Variants in VPS9D1 observed in about 807,000 individuals in gnomAD.
VPS9D1 encodes VPS9 domain containing 1.
VPS9D1 carries 78 observed loss-of-function variants against 75.8 expected under a neutral mutation model. The ratio of observed to expected loss-of-function variants is 1.03; its 90% CI spans 0.86 to 1.24. The LOEUF (loss-of-function observed/expected upper bound fraction) is 1.24, where lower values mean the gene tolerates loss of function less well. Among genes scored for constraint, VPS9D1 ranks in the 50% most tolerant of loss-of-function variants. VPS9D1 has a pLI of 0.00. For missense variants in VPS9D1, 1,057 were observed against 847.7 expected (o/e 1.25, Z -3.07); for synonymous variants, 481 against 385.6 (o/e 1.25, Z -2.90).
At chr16:89,711,536 C>T (rs1180245489) in intron 8 of VPS9D1, 124 bp from the exon 9 acceptor site, 16 of 969,614 alleles carry the variant, frequency 1.7e-5, no homozygotes, top group Non-Finnish European at 2.4e-5. Flanking sequence ...GGAGACCCAG[C>T]GCCAGCAGGC....
rs769446797 is a variant in VPS9D1 at position 89,712,566 on chromosome 16, C to T, written c.543+39G>A. Reference sequence around the variant, plus strand: ...GTAAGGCCGACTCCCCTCTGCCCCGCGCCCACGCACCCCCAGGCCCTCCCT... The same window carrying T: ...GTAAGGCCGACTCCCCTCTGCCCCGTGCCCACGCACCCCCAGGCCCTCCCT... On this transcript the variant is annotated intron_variant, in intron 5 of 14. Coordinates refer to ENST00000389386, the MANE Select transcript of VPS9D1 (RefSeq NM_004913.3). 5 of 1,608,724 alleles carry T rather than the reference C, an allele frequency of 3.1e-6. No homozygotes were observed. The Admixed American group carries it at 5.0e-5, about 16-fold the overall frequency.
rs1251722209 is a variant in VPS9D1 at position 89,711,563 on chromosome 16, GCCCCCA to G, written c.748-157_748-152del. 1.3e-5 allele frequency: 4 copies of G among 313,776 alleles called. No homozygotes were observed. In the African/African-American group the frequency reaches 2.5e-4, roughly 20 times the overall value. 19.4% of individuals were successfully genotyped at this position (313,776 alleles called of 1,614,324 possible). On this transcript the variant is annotated intron_variant, in intron 8 of 14. Transcript: ENST00000389386. ...CCAGCAGGCCCCGCGACCCGCCCCCGCCCCCACCCACACCCGAGGGAAACCTTAGGC... is the reference window on the plus strand; with the variant it reads ...CCAGCAGGCCCCGCGACCCGCCCCCGCCCACACCCGAGGGAAACCTTAGGC...
Position 89,714,064 on chromosome 16 carries a change from G to A in VPS9D1, c.432-1348C>T, listed in dbSNP as rs190152348. 1.4e-3 allele frequency among the ~76,000 whole-genome samples: 206 copies of A among 152,062 alleles called. 1 individual carries two copies. The highest frequency in any genetic ancestry group is 4.6e-3 in the African/African-American group (190 of 41,414). On this transcript the variant is annotated intron_variant, in intron 4 of 14. Transcript: ENST00000389386. ...TGATTCTCCTGCCTCAGCCTCCCGAGTAGCTGGGATTACAGGCATGTGACA... is the reference window on the plus strand; with the variant it reads ...TGATTCTCCTGCCTCAGCCTCCCGAATAGCTGGGATTACAGGCATGTGACA...
At position 89,711,972 on chromosome 16, in the gene VPS9D1, G is replaced by A. The variant is rs772241407; in HGVS notation, c.660-3C>T. The A allele has an allele frequency of 1.0e-5, 16 of 1,550,624 alleles. No homozygotes were observed. The Admixed American group carries it at 2.5e-4, about 25-fold the overall frequency. ...GGGCGACTTGGCTGCAAAACCTCCT[G>A]GGGAGAAAGGCACGCGGTGGGTGCC... On this transcript the variant is annotated splice_polypyrimidine_tract_variant and splice_region_variant and intron_variant, in intron 7 of 14. Coordinates refer to ENST00000389386, the MANE Select transcript of VPS9D1 (RefSeq NM_004913.3).
At chr16:89,709,020 A>ACCCCGGCCCCCCCCCCCCCCC in intron 12 of VPS9D1, 64 bp from the exon 13 acceptor site, 5 of 1,277,896 alleles carry the variant, frequency 3.9e-6, no homozygotes, top group Non-Finnish European at 5.2e-6. Flanking sequence ...CACCCCTTAT[A>ACCCCGGCCCCCCCCCCCCCCC]CCCCGCCCAC....
At position 89,710,826 on chromosome 16, in the gene VPS9D1, G is replaced by T; in HGVS notation, c.1018C>A (p.Pro340Thr). 1 of 1,533,160 alleles carries T rather than the reference G, an allele frequency of 6.5e-7. No individual in the cohort carries two copies. 95.0% of individuals were successfully genotyped at this position (1,533,160 alleles called of 1,614,324 possible). Residue 340 changes from proline (P) to threonine (T), a missense_variant, in exon 10 of 15, where the codon CCC (proline) becomes ACC (threonine). By Grantham distance (38) the Pro-to-Thr change is conservative. Coordinates refer to ENST00000389386, the MANE Select transcript of VPS9D1 (RefSeq NM_004913.3). ...TCCTGGGGCCGCGGGGCTGCGCTGGGCTCGGGCGGGGACAGCATGCAATGG... is the reference window on the plus strand; with the variant it reads ...TCCTGGGGCCGCGGGGCTGCGCTGGTCTCGGGCGGGGACAGCATGCAATGG... The part of the protein sequence containing the change: ...SLHCMLSPPE[P>T]SAAPRPQDSP...
chr16:89,718,791 T>G (rs1426209260), intron 2 of VPS9D1, among the ~76,000 whole-genome samples: 2 of 151,770 alleles, frequency 1.3e-5, no homozygotes, highest in Non-Finnish European at 2.9e-5. Flanking sequence ...CTCGGCTCAC[T>G]GCAACCTCTG....
chr16:89,709,493 G>A, intron 11 of VPS9D1, 58 bp from the exon 12 acceptor site: 1 of 1,462,436 alleles, frequency 6.8e-7, no homozygotes, highest in African/African-American at 1.4e-5. Flanking sequence ...GGGGACAGAA[G>A]CAGGGCTGTG....
In VPS9D1 at chr16:89,716,749, C is replaced by G; in HGVS notation, c.249G>C (p.Gln83His). 6.3e-7 allele frequency: 1 copy of G among 1,590,058 alleles called. No individual in the cohort carries two copies. Among genetic ancestry groups the G allele is most frequent in the Non-Finnish European group, 8.6e-7 (1 of 1,168,860 alleles). Residue 83 changes from glutamine (Q) to histidine (H), a missense_variant, in exon 3 of 15, where the codon CAG (glutamine) becomes CAC (histidine). By Grantham distance (24) the Gln-to-His change is conservative. Transcript: ENST00000389386. ...KLAQQCLERA[Q>H]STAAKLGKTR... is the part of the protein sequence containing the mutation. The stretch of plus-strand genomic sequence containing the variant: ...ACCCACCAAGCTTGGCGGCCGTCGA[C>G]TGGGCCCTCTCCAGACACTGCTGTG...
At chr16:89,710,028 A>AC in intron 10 of VPS9D1, 122 bp from the exon 11 acceptor site, 1 of 1,387,546 alleles carries the variant, frequency 7.2e-7, no homozygotes, top group Non-Finnish European at 9.6e-7. Flanking sequence ...AGCCTCCTGC[A>AC]CCCACCCCTG....
At position 89,707,161 on chromosome 16, in the gene VPS9D1, T is replaced by C. The variant is rs2151615733; in HGVS notation, c.*700A>G. 1 of 152,420 alleles carries C rather than the reference T, an allele frequency of 6.6e-6. No homozygotes were observed. The highest frequency in any genetic ancestry group is 1.9e-4 in the East Asian group (1 of 5,172). 9.4% of individuals were successfully genotyped at this position (152,420 alleles called of 1,614,324 possible). A position where few individuals can be genotyped will look rare whatever the true frequency, so the allele number is the denominator to read the frequency against. On this transcript the variant is annotated 3_prime_UTR_variant, in exon 15 of 15. Transcript: ENST00000389386. ...CAGCAGTGAGCTCTTTATTTTAGGC[T>C]GGGTGGGGGCAGCATGTGACAGTCA...
chr16:89,712,785 C>T, intron 4 of VPS9D1, 69 bp from the exon 5 acceptor site: 1 of 1,344,148 alleles, frequency 7.4e-7, no homozygotes, highest in Non-Finnish European at 1.0e-6. Context: ...AGAGGAGTCT[C>T]TCTCATCCTC....
At position 89,707,603 on chromosome 16, in the gene VPS9D1, A is replaced by G. The variant is rs2060822627; in HGVS notation, c.*258T>C. 2 of 463,064 alleles carry G rather than the reference A, an allele frequency of 4.3e-6. No individual in the cohort carries two copies. Among genetic ancestry groups the G allele is most frequent in the Non-Finnish European group, 7.9e-6 (2 of 254,588 alleles). The allele number at this position is 463,064 out of a possible 1,614,324, so 28.7% of individuals were successfully genotyped here. ...GGCCTCTCTGAGGCCTACACAGGAG[A>G]GCAGGGCCTGGTTCCTCCTGGAGCT... On this transcript the variant is annotated 3_prime_UTR_variant, in exon 15 of 15. Coordinates refer to ENST00000389386, the MANE Select transcript of VPS9D1 (RefSeq NM_004913.3).
chr16:89,720,015 G>C (rs938450596), intron 1 of VPS9D1, among the ~76,000 whole-genome samples: 2 of 152,160 alleles, frequency 1.3e-5, no homozygotes, highest in African/African-American at 2.4e-5. Context: ...ACAGCGCCCA[G>C]CAATATGCTA....
intron 14 of VPS9D1, 55 bp from the exon 15 acceptor site, chr16:89,708,009 C>G (rs994393711): frequency 5.2e-6 from 8 of 1,546,376 alleles, no homozygotes; most frequent in Non-Finnish European, 7.1e-6. Flanking sequence ...AGGATACCCC[C>G]GGCCCTCCAG....
At position 89,716,539 on chromosome 16, in the gene VPS9D1, T is replaced by C. The variant is rs748058044; in HGVS notation, c.354A>G (p.Glu118=). 3.1e-6 allele frequency: 5 copies of C among 1,613,996 alleles called. No homozygotes were observed. The Admixed American group carries it at 8.3e-5, about 27-fold the overall frequency. ...AGRHRRVYSD[E]GGKLSPFLPP... is the part of the protein sequence containing the mutation. ...GCAGAAAAGGAGAGAGCTTTCCTCCTTCATCGGAGTATACACGGCGGTGTC... is the reference window on the plus strand; with the variant it reads ...GCAGAAAAGGAGAGAGCTTTCCTCCCTCATCGGAGTATACACGGCGGTGTC... Residue 118 remains glutamate (E), a synonymous_variant, in exon 4 of 15, where the codon GAA becomes GAG. Transcript: ENST00000389386.
chr16:89,708,962 C>T lies in VPS9D1; in HGVS notation c.1598-6G>A, dbSNP rs1238687099. The T allele has an allele frequency of 1.3e-6, 2 of 1,593,134 alleles. No homozygotes were observed. Among genetic ancestry groups the T allele is most frequent in the Non-Finnish European group, 1.7e-6 (2 of 1,171,374 alleles). On this transcript the variant is annotated splice_region_variant and splice_polypyrimidine_tract_variant and intron_variant, in intron 12 of 14. Transcript: ENST00000389386. ...GATGATCCGCAGGGTCCGCACTGCGCCCCAGACAGGGTTTCAGGGGCAGTT... is the reference window on the plus strand; with the variant it reads ...GATGATCCGCAGGGTCCGCACTGCGTCCCAGACAGGGTTTCAGGGGCAGTT...
chr16:89,709,454 A>C lies in VPS9D1; in HGVS notation c.1389-19T>G. ...CACGCTCCTGGGGCAGAGAGAGGCC[A>C]GGCTAAGCTGCCCCAGGGACCTTGC... On this transcript the variant is annotated intron_variant, in intron 11 of 14. Transcript: ENST00000389386. 1 of 1,499,666 alleles carries C rather than the reference A, an allele frequency of 6.7e-7. No homozygotes were observed. The highest frequency in any genetic ancestry group is 8.8e-7 in the Non-Finnish European group (1 of 1,133,522). The allele number at this position is 1,499,666 out of a possible 1,614,324, so 92.9% of individuals were successfully genotyped here. A position where few individuals can be genotyped will look rare whatever the true frequency, so the allele number is the denominator to read the frequency against.
chr16:89,717,658 C>T (rs1309777936), intron 2 of VPS9D1: 14 of 456,462 alleles, frequency 3.1e-5, no homozygotes, highest in Admixed American at 4.7e-5. Context: ...TGCCCTTACC[C>T]GTCCCCACCT....
Sources: gnomAD v4.1 joint callset for allele counts (sites outside exome capture counted in the v4.1 genomes callset) on GRCh38, gnomAD v4.1.1 for gene constraint, MANE v1.5 for transcripts, NCBI Gene and HGNC (gene_info 2026-07-23, HGNC 2026-07-21) for gene names.